Variants in KCNQ5 observed in about 807,000 individuals in gnomAD.
KCNQ5 encodes the protein potassium voltage-gated channel subfamily Q member 5.
Under a neutral mutation model 98.2 loss-of-function variants are expected in KCNQ5, and 30 were observed. That is an observed-to-expected ratio of 0.31 (90% CI 0.23 to 0.41). The LOEUF (loss-of-function observed/expected upper bound fraction) is 0.41, where lower values mean the gene tolerates loss of function less well. Among genes scored for constraint, KCNQ5 ranks in the 10% least tolerant of loss-of-function variants. The pLI is 1.00. For synonymous variants in KCNQ5, 458 were observed against 449.4 expected, an observed-to-expected ratio of 1.02 and a Z score of -0.24; for missense variants, 835 against 1,182.5, an observed-to-expected ratio of 0.71 and a Z score of 4.31.
chr6:72,629,324 C>T (rs1268577027), intron 1 of KCNQ5, among the ~76,000 whole-genome samples: 2 of 152,178 alleles, frequency 1.3e-5, no homozygotes, highest in African/African-American at 4.8e-5. Flanking sequence ...ACTGATTTCT[C>T]TTAAGTCTAC....
chr6:73,197,208 C>T lies in KCNQ5; in HGVS notation c.*1794C>T, dbSNP rs1352025685. The stretch of plus-strand genomic sequence containing the variant: ...CATTAACTCCTTATTCATTCCCTGC[C>T]AGTATTTTGCTTCTGAACTTCACCA... On this transcript the variant is annotated 3_prime_UTR_variant, in exon 14 of 14. Coordinates refer to ENST00000370398, the MANE Select transcript of KCNQ5 (RefSeq NM_019842.4). 6.6e-6 allele frequency: 1 copy of T among 152,246 alleles called. No homozygotes were observed. The highest frequency in any genetic ancestry group is 1.5e-5 in the Non-Finnish European group (1 of 68,096). 9.4% of individuals were successfully genotyped at this position (152,246 alleles called of 1,614,324 possible). A position where few individuals can be genotyped will look rare whatever the true frequency, so the allele number is the denominator to read the frequency against.
chr6:72,748,433 C>G (rs1000912354), intron 1 of KCNQ5, among the ~76,000 whole-genome samples: 3 of 152,040 alleles, frequency 2.0e-5, no homozygotes, highest in African/African-American at 7.2e-5. Context: ...AGTCCCACCC[C>G]AGACTTAATG....
At chr6:73,034,613 C>T (rs1314673703) in intron 2 of KCNQ5, among the ~76,000 whole-genome samples, 1 of 152,066 alleles carries the variant, frequency 6.6e-6, no homozygotes, top group Non-Finnish European at 1.5e-5. Context: ...AATCAATCTG[C>T]CTAAAACAAT....
intron 1 of KCNQ5, among the ~76,000 whole-genome samples, chr6:72,823,639 G>T (rs923313435): frequency 2.6e-5 from 4 of 152,142 alleles, no homozygotes; most frequent in African/African-American, 4.8e-5. Flanking sequence ...GCTCACTCGG[G>T]TTCCTGACCC....
intron 1 of KCNQ5, among the ~76,000 whole-genome samples, chr6:72,925,262 G>C (rs943265591): frequency 6.6e-6 from 1 of 152,108 alleles, no homozygotes; most frequent in African/African-American, 2.4e-5. Context: ...TATATATGGA[G>C]CCTTGGAAAT....
intron 1 of KCNQ5, among the ~76,000 whole-genome samples, chr6:72,711,167 CCTT>C (rs1160410547): frequency 1.3e-5 from 2 of 151,920 alleles, no homozygotes; most frequent in African/African-American, 4.8e-5. Context: ...CTGGTGTCCT[CCTT>C]ATCAGAAGAA....
chr6:72,934,688 T>C (rs1348409232), intron 1 of KCNQ5, among the ~76,000 whole-genome samples: 1 of 152,222 alleles, frequency 6.6e-6, no homozygotes, highest in Non-Finnish European at 1.5e-5. Flanking sequence ...ACTAATCCTA[T>C]GCTGAAGGAA....
chr6:72,691,768 G>T (rs1487629074), intron 1 of KCNQ5, among the ~76,000 whole-genome samples: 1 of 152,084 alleles, frequency 6.6e-6, no homozygotes, highest in Non-Finnish European at 1.5e-5. Flanking sequence ...GTTCACTGGG[G>T]CAAGACTTTC....
intron 1 of KCNQ5, among the ~76,000 whole-genome samples, chr6:72,798,100 T>C (rs1399219688): frequency 6.6e-6 from 1 of 152,174 alleles, no homozygotes; most frequent in Non-Finnish European, 1.5e-5. Context: ...GTGTAAATCC[T>C]CTAATACTTA....
intron 9 of KCNQ5, among the ~76,000 whole-genome samples, chr6:73,124,914 ACTAGGGTCCTTCTTTTG>A (rs1159858279): frequency 2.3e-5 from 3 of 131,666 alleles, no homozygotes; most frequent in African/African-American, 8.0e-5. Flanking sequence ...ACTCCCCTTC[ACTAGGGTCCTTCTTTTG>A]GAGTGATATA....
chr6:73,147,093 A>T (rs6907569), intron 10 of KCNQ5, among the ~76,000 whole-genome samples: 32,747 of 151,878 alleles, frequency 0.22, 8,424 homozygotes, highest in African/African-American at 0.61. Context: ...TAGTTCCCCC[A>T]CTAGGTTGGG....
chr6:72,886,641 T>C (rs1260329284), intron 1 of KCNQ5, among the ~76,000 whole-genome samples: 1 of 152,102 alleles, frequency 6.6e-6, no homozygotes, highest in Non-Finnish European at 1.5e-5. Context: ...ATAGACAAAC[T>C]GTAGAACACA....
At chr6:72,818,175 A>C (rs1275080499) in intron 1 of KCNQ5, among the ~76,000 whole-genome samples, 1 of 152,218 alleles carries the variant, frequency 6.6e-6, no homozygotes, top group Non-Finnish European at 1.5e-5. Context: ...GCATTCACAC[A>C]TACTTATTTA....
intron 1 of KCNQ5, among the ~76,000 whole-genome samples, chr6:72,640,020 G>C (rs1342969497): frequency 6.6e-6 from 1 of 152,102 alleles, no homozygotes; most frequent in Non-Finnish European, 1.5e-5. Context: ...TAAATAACGC[G>C]ATGTCTTGAC....
At chr6:73,178,887 G>A (rs1778309727) in intron 11 of KCNQ5, among the ~76,000 whole-genome samples, 1 of 152,174 alleles carries the variant, frequency 6.6e-6, no homozygotes, top group Non-Finnish European at 1.5e-5. Flanking sequence ...ACATTAAAAA[G>A]TATTCTAAAT....
In KCNQ5 at chr6:72,635,203, T is replaced by A. The variant is rs531964272; in HGVS notation, c.398+12616T>A. Reference sequence around the variant, plus strand: ...CACCATGCCCAGCTAATTTTTTTTTTATTATTTGTAGAGACAGGGTCTCAC... The same window carrying A: ...CACCATGCCCAGCTAATTTTTTTTTAATTATTTGTAGAGACAGGGTCTCAC... On this transcript the variant is annotated intron_variant, in intron 1 of 13. Coordinates refer to ENST00000370398, the MANE Select transcript of KCNQ5 (RefSeq NM_019842.4). Among the ~76,000 whole-genome samples, 92 of 151,690 alleles carry A rather than the reference T, an allele frequency of 6.1e-4. 1 individual carries two copies. The highest frequency in any genetic ancestry group is 2.1e-3 in the African/African-American group (88 of 41,372).
At chr6:73,042,220 T>C in intron 3 of KCNQ5, 158 bp downstream of exon 3, 1 of 794,000 alleles carries the variant, frequency 1.3e-6, no homozygotes, top group South Asian at 1.5e-5. Flanking sequence ...ACTCATTTGA[T>C]GTTGTCTCCA....
intron 1 of KCNQ5, among the ~76,000 whole-genome samples, chr6:73,002,403 G>A (rs1257602068): frequency 6.6e-6 from 1 of 152,116 alleles, no homozygotes; most frequent in Non-Finnish European, 1.5e-5. Flanking sequence ...AGCTACAAAT[G>A]TTAATTCTCA....
Position 73,157,981 on chromosome 6 carries a change from T to C in KCNQ5, c.1469-11765T>C, listed in dbSNP as rs539292912. 2.2e-4 allele frequency: 166 copies of C among 756,154 alleles called. 2 individuals are homozygous for C. Among genetic ancestry groups the C allele is most frequent in the South Asian group, 1.5e-3 (109 of 73,766 alleles). The allele number at this position is 756,154 out of a possible 1,614,324, so 46.8% of individuals were successfully genotyped here. A position where few individuals can be genotyped will look rare whatever the true frequency, so the allele number is the denominator to read the frequency against. Reference sequence around the variant, plus strand: ...TTGAGTAGGGACTCTTCATACCCCTTGAACGGCCGGAAGATCAAGTAGGGT... The same window carrying C: ...TTGAGTAGGGACTCTTCATACCCCTCGAACGGCCGGAAGATCAAGTAGGGT... On this transcript the variant is annotated intron_variant, in intron 10 of 13. Coordinates refer to ENST00000370398, the MANE Select transcript of KCNQ5 (RefSeq NM_019842.4).
Sources: allele counts gnomAD v4.1 joint callset (sites outside exome capture counted in the v4.1 genomes callset), GRCh38; gene constraint gnomAD v4.1.1; transcripts MANE v1.5; gene names NCBI Gene and HGNC (gene_info 2026-07-23, HGNC 2026-07-21).